SUGCT: variants seen among roughly 807,000 people sequenced by gnomAD.
The protein encoded by SUGCT is succinyl-CoA:glutarate CoA-transferase.
In SUGCT, 41 loss-of-function variants were observed where a neutral mutation model predicts 55.0. The observed-to-expected ratio is 0.74, with a 90% confidence interval of 0.58 to 0.97. SUGCT has a LOEUF of 0.97. Among genes scored for constraint, SUGCT ranks in the 50% least tolerant of loss-of-function variants. The pLI is 0.00. For synonymous variants in SUGCT, 187 were observed against 200.4 expected, an observed-to-expected ratio of 0.93 and a Z score of 0.56; for missense variants, 568 against 547.8, an observed-to-expected ratio of 1.04 and a Z score of -0.37.
chr7:40,795,707 T>C (rs1010330227), intron 13 of SUGCT, among the ~76,000 whole-genome samples: 11 of 152,196 alleles, frequency 7.2e-5, no homozygotes, highest in African/African-American at 2.4e-4. Context: ...CAAGAACAAG[T>C]TGTGACAGAA....
chr7:40,600,442 G>A (rs530581183), intron 12 of SUGCT, among the ~76,000 whole-genome samples: 95 of 152,278 alleles, frequency 6.2e-4, no homozygotes, highest in African/African-American at 2.2e-3. Flanking sequence ...GTCATCTAAG[G>A]TATTCATTTT....
Position 40,860,312 on chromosome 7 carries a change from G to A in SUGCT, c.1154-4G>A, listed in dbSNP as rs764608740. ...GGCTTCCTGCTTTCCTTCTCCTTTG[G>A]CAGGCCCAGCTGTGAGATACAGTAA... On this transcript the variant is annotated splice_polypyrimidine_tract_variant and splice_region_variant and intron_variant, in intron 13 of 13. Transcript: ENST00000335693. 8.7e-6 allele frequency: 14 copies of A among 1,613,726 alleles called. No homozygotes were observed. The highest frequency in any genetic ancestry group is 1.2e-5 in the Non-Finnish European group (14 of 1,179,836).
intron 12 of SUGCT, among the ~76,000 whole-genome samples, chr7:40,681,657 A>G (rs1283877903): frequency 6.6e-6 from 1 of 152,168 alleles, no homozygotes; most frequent in Admixed American, 6.5e-5. Context: ...CAGAAGTTAC[A>G]GGCAAACTCA....
chr7:40,240,612 G>GA (rs1789317613), intron 7 of SUGCT, among the ~76,000 whole-genome samples: 1 of 152,218 alleles, frequency 6.6e-6, no homozygotes, highest in African/African-American at 2.4e-5. Flanking sequence ...GATTGTACGG[G>GA]AAAGCACTTC....
At chr7:40,494,820 C>A (rs957331119) in intron 11 of SUGCT, among the ~76,000 whole-genome samples, 1 of 151,948 alleles carries the variant, frequency 6.6e-6, no homozygotes, top group Non-Finnish European at 1.5e-5. Context: ...ACATTTATTC[C>A]ATTTTTTTCT....
chr7:40,975,936 T>C, the SUGCT span, among the ~76,000 whole-genome samples: 1 of 152,168 alleles, frequency 6.6e-6, no homozygotes, highest in Non-Finnish European at 1.5e-5. Context: ...GCCAATTCTT[T>C]CATAGCCCTG....
chr7:40,428,106 A>G (rs1226975105), intron 9 of SUGCT, among the ~76,000 whole-genome samples: 1 of 151,854 alleles, frequency 6.6e-6, no homozygotes, highest in Non-Finnish European at 1.5e-5. Context: ...TGATAAATTG[A>G]CCCTTTTGTT....
At chr7:40,844,541 CT>C (rs1453515728) in intron 13 of SUGCT, among the ~76,000 whole-genome samples, 1 of 152,194 alleles carries the variant, frequency 6.6e-6, no homozygotes, top group Non-Finnish European at 1.5e-5. Context: ...CTTCTCATCT[CT>C]GCTGCTCCAC....
At chr7:40,452,393 C>T (rs1789240086) in intron 10 of SUGCT, among the ~76,000 whole-genome samples, 1 of 152,156 alleles carries the variant, frequency 6.6e-6, no homozygotes, top group African/African-American at 2.4e-5. Flanking sequence ...AGAGACTATA[C>T]ATTGGTTCTC....
At chr7:40,958,776 T>C in the SUGCT span, among the ~76,000 whole-genome samples, 1 of 152,178 alleles carries the variant, frequency 6.6e-6, no homozygotes, top group African/African-American at 2.4e-5. Flanking sequence ...CTTTTTGCAC[T>C]GGTTTTTCCT....
At chr7:40,391,256 T>C (rs1164942098) in intron 9 of SUGCT, among the ~76,000 whole-genome samples, 1 of 152,092 alleles carries the variant, frequency 6.6e-6, no homozygotes, top group Non-Finnish European at 1.5e-5. Context: ...CCAAAAGCAA[T>C]GGCAACAGAA....
intron 9 of SUGCT, among the ~76,000 whole-genome samples, chr7:40,446,211 A>G (rs534406838): frequency 6.6e-6 from 1 of 152,322 alleles, no homozygotes; most frequent in South Asian, 2.1e-4. Flanking sequence ...TACTTATTAA[A>G]AGGAAATGAA....
chr7:40,390,603 G>C (rs936956695), intron 9 of SUGCT, among the ~76,000 whole-genome samples: 5 of 152,120 alleles, frequency 3.3e-5, no homozygotes, highest in Admixed American at 3.3e-4. Flanking sequence ...TCTTCAAGGA[G>C]AACTACAAAC....
chr7:41,015,127 T>A, the SUGCT span, among the ~76,000 whole-genome samples: 1 of 152,108 alleles, frequency 6.6e-6, no homozygotes, highest in Admixed American at 6.6e-5. Context: ...CATGGTCCAG[T>A]GGTCATAGGA....
intron 9 of SUGCT, among the ~76,000 whole-genome samples, chr7:40,373,026 A>G (rs1437200759): frequency 1.3e-5 from 2 of 152,004 alleles, no homozygotes; most frequent in African/African-American, 4.8e-5. Flanking sequence ...TAAAAATTAT[A>G]TCATATGGCT....
At chr7:40,172,165 G>T (rs1167354650) in intron 1 of SUGCT, among the ~76,000 whole-genome samples, 1 of 152,170 alleles carries the variant, frequency 6.6e-6, no homozygotes, top group Admixed American at 6.5e-5. Flanking sequence ...AGTTCCAGTT[G>T]TTAAAGTACT....
chr7:40,546,937 A>T (rs950793569), intron 12 of SUGCT: 4 of 152,152 alleles, frequency 2.6e-5, no homozygotes, highest in African/African-American at 7.2e-5. Flanking sequence ...TCTAATCATA[A>T]TCTTTTATGT....
At chr7:40,621,794 A>G (rs995549538) in intron 12 of SUGCT, among the ~76,000 whole-genome samples, 2 of 152,316 alleles carry the variant, frequency 1.3e-5, no homozygotes, top group Admixed American at 6.5e-5. Context: ...TTTTCATCTT[A>G]TATCTACAAT....
At chr7:40,901,735 C>A in the SUGCT span, among the ~76,000 whole-genome samples, 1 of 152,128 alleles carries the variant, frequency 6.6e-6, no homozygotes, top group African/African-American at 2.4e-5. Context: ...AGGGAAGTGC[C>A]AAATACATTT....
Sources: allele counts gnomAD v4.1 joint callset (sites outside exome capture counted in the v4.1 genomes callset), GRCh38; gene constraint gnomAD v4.1.1; transcripts MANE v1.5; gene names NCBI Gene and HGNC (gene_info 2026-07-23, HGNC 2026-07-21).